Variants in PIK3AP1 observed in about 807,000 individuals in gnomAD.
The protein encoded by PIK3AP1 is phosphoinositide-3-kinase adaptor protein 1, also known as phosphoinositide 3-kinase adapter protein 1.
A neutral mutation model predicts 88.1 loss-of-function variants in PIK3AP1; 21 were observed. The ratio of observed to expected loss-of-function variants is 0.24; its 90% CI spans 0.17 to 0.34. PIK3AP1 has a LOEUF of 0.34. Ranked by LOEUF, PIK3AP1 falls within the 10% of genes least tolerant of loss-of-function variation. The pLI is 1.00. For missense variants in PIK3AP1, 828 were observed against 1,035.7 expected, an observed-to-expected ratio of 0.80 and a Z score of 2.75; for synonymous variants, 398 against 400.0, an observed-to-expected ratio of 1.00 and a Z score of 0.06.
chr10:96,704,109 T>C (rs1343110636), intron 2 of PIK3AP1, among the ~76,000 whole-genome samples: 1 of 152,078 alleles, frequency 6.6e-6, no homozygotes, highest in Non-Finnish European at 1.5e-5. Flanking sequence ...ACCTGAAAGA[T>C]TAAAAACTGC....
chr10:96,677,959 A>T (rs921834982), intron 2 of PIK3AP1, among the ~76,000 whole-genome samples: 2 of 152,070 alleles, frequency 1.3e-5, no homozygotes, highest in Non-Finnish European at 2.9e-5. Flanking sequence ...TTACAATTTT[A>T]TTTATTTATT....
At chr10:96,637,268 T>C (rs1402185114) in intron 8 of PIK3AP1, among the ~76,000 whole-genome samples, 1 of 149,120 alleles carries the variant, frequency 6.7e-6, no homozygotes, top group Non-Finnish European at 1.5e-5. Flanking sequence ...AAAGAATTAA[T>C]GGGATGGAAG....
Position 96,689,170 on chromosome 10 carries a change from A to G in PIK3AP1, c.430+20397T>C, listed in dbSNP as rs534522115. Among the ~76,000 whole-genome samples the G allele has an allele frequency of 2.6e-5, 4 of 152,230 alleles. No homozygotes were observed. In the South Asian group the frequency reaches 8.3e-4, roughly 32 times the overall value. The stretch of plus-strand genomic sequence containing the variant: ...AGACTCAGGCCACTTCTCAGCCCAA[A>G]TGCAAACGCATCCTGTGCTTTCCTC... On this transcript the variant is annotated intron_variant, in intron 2 of 16. Transcript: ENST00000339364.
chr10:96,654,335 T>C (rs1425197135), intron 3 of PIK3AP1, among the ~76,000 whole-genome samples: 1 of 152,152 alleles, frequency 6.6e-6, no homozygotes, highest in Non-Finnish European at 1.5e-5. Flanking sequence ...GAGAGATTCC[T>C]GGCCATAGCG....
At chr10:96,700,938 G>GTCATGACCTA (rs11281500) in intron 2 of PIK3AP1, 2 of 955,914 alleles carry the variant, frequency 2.1e-6, no homozygotes, top group Admixed American at 6.2e-5. Context: ...GGACTACTGT[G>GTCATGACCTA]CCCATAACAG....
chr10:96,684,219 G>A (rs1316957563), intron 2 of PIK3AP1, among the ~76,000 whole-genome samples: 1 of 152,226 alleles, frequency 6.6e-6, no homozygotes, highest in African/African-American at 2.4e-5. Flanking sequence ...CATTGGCATA[G>A]CTAGTTAGGC....
chr10:96,644,623 G>T (rs529014949), intron 8 of PIK3AP1, among the ~76,000 whole-genome samples: 1 of 152,084 alleles, frequency 6.6e-6, no homozygotes, highest in East Asian at 1.9e-4. Context: ...ATAAAAAGTG[G>T]GCAAAGTTTG....
At chr10:96,651,135 A>G in intron 6 of PIK3AP1, 113 bp downstream of exon 6, 1 of 1,386,614 alleles carries the variant, frequency 7.2e-7, no homozygotes, top group Non-Finnish European at 1.0e-6. Context: ...GGTTATAGAG[A>G]AGGGACCCAG....
chr10:96,688,011 G>A (rs1844097555), intron 2 of PIK3AP1, among the ~76,000 whole-genome samples: 1 of 152,188 alleles, frequency 6.6e-6, no homozygotes, highest in Non-Finnish European at 1.5e-5. Context: ...GCATGAAGGG[G>A]TGGGGGACAG....
rs754428180 is a variant in PIK3AP1, at chr10:96,693,351, G to A, written c.430+16216C>T. Among the ~76,000 whole-genome samples the A allele has an allele frequency of 7.0e-4, 106 of 152,230 alleles. 1 individual carries two copies. The highest frequency in any genetic ancestry group is 2.1e-3 in the South Asian group (10 of 4,824). On this transcript the variant is annotated intron_variant, in intron 2 of 16. Transcript: ENST00000339364. Reference sequence around the variant, plus strand: ...TAAAGGGACAATAAACAAAATGGGCGAATAAATGAATGGATGGCTGGACAG... The same window carrying A: ...TAAAGGGACAATAAACAAAATGGGCAAATAAATGAATGGATGGCTGGACAG...
intron 7 of PIK3AP1, among the ~76,000 whole-genome samples, chr10:96,645,977 T>C (rs1386447766): frequency 6.6e-6 from 1 of 152,186 alleles, no homozygotes; most frequent in Non-Finnish European, 1.5e-5. Flanking sequence ...TACTTTCCCA[T>C]GGCCTGATGT....
chr10:96,609,092 T>C (rs1180895574), intron 14 of PIK3AP1, among the ~76,000 whole-genome samples: 4 of 152,262 alleles, frequency 2.6e-5, no homozygotes, highest in Non-Finnish European at 4.4e-5. Context: ...ATTTCCTAAT[T>C]AGATCCTCAA....
intron 2 of PIK3AP1, among the ~76,000 whole-genome samples, chr10:96,689,339 C>T (rs760453291): frequency 8.6e-5 from 13 of 151,262 alleles, no homozygotes; most frequent in South Asian, 4.2e-4. Context: ...CCGAGGCAGG[C>T]GGATCATGAG....
chr10:96,681,273 A>G (rs1252695303), intron 2 of PIK3AP1, among the ~76,000 whole-genome samples: 1 of 152,116 alleles, frequency 6.6e-6, no homozygotes, highest in Non-Finnish European at 1.5e-5. Context: ...TACCTTAATT[A>G]CCTTTTTAAA....
At chr10:96,701,300 G>C (rs1259651669) in intron 2 of PIK3AP1, among the ~76,000 whole-genome samples, 4 of 152,216 alleles carry the variant, frequency 2.6e-5, no homozygotes, top group Non-Finnish European at 4.4e-5. Flanking sequence ...TGTGGAAGAG[G>C]AGGGTGGAGA....
intron 2 of PIK3AP1, among the ~76,000 whole-genome samples, chr10:96,663,357 C>T (rs933142370): frequency 1.3e-5 from 2 of 151,976 alleles, no homozygotes; most frequent in Non-Finnish European, 2.9e-5. Flanking sequence ...AGGCTGGGCG[C>T]GGTGGCTCAT....
At chr10:96,628,899 T>TATAC (rs2134209705) in intron 8 of PIK3AP1, among the ~76,000 whole-genome samples, 1 of 15,248 alleles carries the variant, frequency 6.6e-5, no homozygotes, top group African/African-American at 1.5e-4. Context: ...CATATATATA[T>TATAC]ATATATATGT....
At chr10:96,631,561 C>T (rs981822000) in intron 8 of PIK3AP1, among the ~76,000 whole-genome samples, 1 of 152,106 alleles carries the variant, frequency 6.6e-6, no homozygotes, top group Non-Finnish European at 1.5e-5. Flanking sequence ...CTAATGTGCT[C>T]ATTTGGGGAG....
chr10:96,715,032 G>GAAA (rs34130100), intron 1 of PIK3AP1, among the ~76,000 whole-genome samples: 3 of 148,984 alleles, frequency 2.0e-5, no homozygotes, highest in Non-Finnish European at 3.0e-5. Context: ...TGGAAAGGGA[G>GAAA]AAAAAAAAAA....
Sources: allele counts gnomAD v4.1 joint callset (sites outside exome capture counted in the v4.1 genomes callset), GRCh38; gene constraint gnomAD v4.1.1; transcripts MANE v1.5; gene names NCBI Gene and HGNC (gene_info 2026-07-23, HGNC 2026-07-21).